OPCML: variants seen among roughly 807,000 people sequenced by gnomAD.
The protein encoded by OPCML is opioid-binding protein/cell adhesion molecule.
OPCML carries 13 observed loss-of-function variants against 37.8 expected under a neutral mutation model. The observed-to-expected ratio is 0.34, with a 90% CI of 0.22 to 0.55. The LOEUF is 0.55. OPCML is among the 20% of genes least tolerant of loss of function. The probability of loss-of-function intolerance (pLI) is 0.91; values close to 1 mark genes in which losing one functional copy is unlikely to be tolerated. For synonymous variants in OPCML, 176 were observed against 168.8 expected, an observed-to-expected ratio of 1.04 and a Z score of -0.33; for missense variants, 341 against 435.6, an observed-to-expected ratio of 0.78 and a Z score of 1.93.
intron 2 of OPCML, among the ~76,000 whole-genome samples, chr11:132,858,335 C>T (rs949147718): frequency 5.3e-5 from 8 of 152,154 alleles, no homozygotes; most frequent in African/African-American, 1.9e-4. Context: ...TGCCAGGGTG[C>T]CTCCTTCCTC....
At chr11:133,209,697 T>G (rs1939271132) in intron 1 of OPCML, among the ~76,000 whole-genome samples, 1 of 152,138 alleles carries the variant, frequency 6.6e-6, no homozygotes, top group Non-Finnish European at 1.5e-5. Context: ...ATGAATGGTG[T>G]GTTGAACAAA....
At chr11:132,743,892 T>C (rs1261726870) in intron 2 of OPCML, among the ~76,000 whole-genome samples, 1 of 152,162 alleles carries the variant, frequency 6.6e-6, no homozygotes, top group Non-Finnish European at 1.5e-5. Flanking sequence ...CAAACTCAGA[T>C]CGCATTCTAG....
At chr11:133,184,376 G>A (rs1398080519) in intron 1 of OPCML, among the ~76,000 whole-genome samples, 1 of 152,158 alleles carries the variant, frequency 6.6e-6, no homozygotes, top group African/African-American at 2.4e-5. Context: ...CAATGAAGTG[G>A]CCTTTGAGCT....
chr11:132,745,430 C>T (rs1221194316), intron 2 of OPCML, among the ~76,000 whole-genome samples: 3 of 151,944 alleles, frequency 2.0e-5, no homozygotes, highest in Admixed American at 6.6e-5. Context: ...GCTCTGGAGC[C>T]TTAAGCACTT....
chr11:132,584,243 ATAG>A (rs1474582613), intron 3 of OPCML, among the ~76,000 whole-genome samples: 2 of 152,142 alleles, frequency 1.3e-5, no homozygotes, highest in Non-Finnish European at 2.9e-5. Flanking sequence ...AAATGCAAAT[ATAG>A]TAGTGGTATC....
At chr11:133,443,767 T>TA (rs748912564) in intron 1 of OPCML, among the ~76,000 whole-genome samples, 2 of 152,096 alleles carry the variant, frequency 1.3e-5, no homozygotes, top group Non-Finnish European at 2.9e-5. Context: ...GAGCTACCTG[T>TA]AAAAAAGTCA....
intron 1 of OPCML, among the ~76,000 whole-genome samples, chr11:133,363,193 C>T (rs1479796272): frequency 1.3e-5 from 2 of 152,202 alleles, no homozygotes; most frequent in Admixed American, 6.5e-5. Flanking sequence ...CTACTGGAAA[C>T]CCCATCATGT....
chr11:133,447,636 C>T (rs1399968100), intron 1 of OPCML, among the ~76,000 whole-genome samples: 1 of 152,192 alleles, frequency 6.6e-6, no homozygotes, highest in Non-Finnish European at 1.5e-5. Context: ...ACTTTCTGTT[C>T]CTGCACTGAT....
chr11:133,324,082 T>C (rs1943397747), intron 1 of OPCML, among the ~76,000 whole-genome samples: 1 of 152,054 alleles, frequency 6.6e-6, no homozygotes, highest in African/African-American at 2.4e-5. Flanking sequence ...ACATTCGGAG[T>C]TGGCAGCCGG....
intron 3 of OPCML, among the ~76,000 whole-genome samples, chr11:132,534,621 G>A (rs2096335355): frequency 6.6e-6 from 1 of 152,140 alleles, no homozygotes; most frequent in Non-Finnish European, 1.5e-5. Flanking sequence ...ATGATGTGGT[G>A]GAAACGGAAG....
At chr11:132,450,458 G>A (rs925368083) in intron 4 of OPCML, among the ~76,000 whole-genome samples, 1 of 152,130 alleles carries the variant, frequency 6.6e-6, no homozygotes, top group Admixed American at 6.5e-5. Flanking sequence ...GTGCCTCGAC[G>A]GTGGTGTCTG....
At chr11:132,941,676 TC>T (rs1320458906) in intron 2 of OPCML, among the ~76,000 whole-genome samples, 2 of 152,160 alleles carry the variant, frequency 1.3e-5, no homozygotes, top group African/African-American at 4.8e-5. Context: ...CTCTCTATTC[TC>T]CTTTTTTCTC....
At chr11:133,299,273 T>C (rs1441714640) in intron 1 of OPCML, 1 of 152,262 alleles carries the variant, frequency 6.6e-6, no homozygotes, top group Non-Finnish European at 1.5e-5. Context: ...AGAGGTTTCA[T>C]TCAGAAGTAA....
At chr11:132,884,628 T>G (rs1943341168) in intron 2 of OPCML, among the ~76,000 whole-genome samples, 1 of 152,188 alleles carries the variant, frequency 6.6e-6, no homozygotes, top group Non-Finnish European at 1.5e-5. Flanking sequence ...AGCATAGGCT[T>G]TTGGTTTACT....
At chr11:133,440,399 CAAAAA>C (rs574269636) in intron 1 of OPCML, among the ~76,000 whole-genome samples, 11,410 of 100,216 alleles carry the variant, frequency 0.11, 1,484 homozygotes, top group African/African-American at 0.33. Flanking sequence ...AACTCCATCT[CAAAAA>C]AAAAAAAAAA....
chr11:133,004,678 C>T (rs1591902066), intron 1 of OPCML: 1 of 985,330 alleles, frequency 1.0e-6, no homozygotes. Flanking sequence ...CATGCCCTCG[C>T]TCTCCTTCAG....
chr11:132,823,258 C>T (rs1940099054), intron 2 of OPCML, among the ~76,000 whole-genome samples: 1 of 152,184 alleles, frequency 6.6e-6, no homozygotes, highest in African/African-American at 2.4e-5. Context: ...GCCATCCCTT[C>T]CTTCCCAGTA....
At chr11:132,650,651 C>T (rs1042159639) in intron 3 of OPCML, among the ~76,000 whole-genome samples, 1 of 152,054 alleles carries the variant, frequency 6.6e-6, no homozygotes, top group Admixed American at 6.6e-5. Context: ...CATATGTGCA[C>T]ATAAATAAAT....
intron 1 of OPCML, among the ~76,000 whole-genome samples, chr11:133,470,860 G>A (rs569702295): frequency 6.6e-6 from 1 of 152,264 alleles, no homozygotes; most frequent in East Asian, 1.9e-4. Context: ...AGGCTTTTTT[G>A]TGGCTAGAGA....
Sources: allele counts gnomAD v4.1 joint callset (sites outside exome capture counted in the v4.1 genomes callset), GRCh38; gene constraint gnomAD v4.1.1; transcripts MANE v1.5; gene names NCBI Gene and HGNC (gene_info 2026-07-23, HGNC 2026-07-21).